The following BBX variants were observed in gnomAD, a reference collection of about 807,000 sequenced individuals.
The protein encoded by BBX is HMG box transcription factor BBX.
A neutral mutation model predicts 100.2 loss-of-function variants in BBX; 30 were observed. That is an observed-to-expected ratio of 0.30 (90% CI 0.22 to 0.41). The LOEUF is 0.41. Among genes scored for constraint, BBX ranks in the 10% least tolerant of loss-of-function variants. The pLI is 1.00. For synonymous variants in BBX, 376 were observed against 388.1 expected (o/e 0.97, Z 0.37); for missense variants, 1,023 against 1,129.8 (o/e 0.91, Z 1.35).
chr3:107,570,770 A>G (rs1318418296), intron 2 of BBX, among the ~76,000 whole-genome samples: 1 of 152,086 alleles, frequency 6.6e-6, no homozygotes, highest in Non-Finnish European at 1.5e-5. Context: ...TCTGCAGAAA[A>G]GGAGGATTCA....
intron 15 of BBX, among the ~76,000 whole-genome samples, chr3:107,793,373 A>T (rs2069256394): frequency 6.6e-6 from 1 of 152,186 alleles, no homozygotes; most frequent in African/African-American, 2.4e-5. Flanking sequence ...GCACTGAAAA[A>T]TGCATGTCCA....
intron 5 of BBX, among the ~76,000 whole-genome samples, chr3:107,720,170 G>C (rs2062426555): frequency 6.6e-6 from 1 of 151,998 alleles, no homozygotes; most frequent in Non-Finnish European, 1.5e-5. Context: ...GAAGGAGTTA[G>C]TGTCTTGACC....
intron 3 of BBX, among the ~76,000 whole-genome samples, chr3:107,685,293 T>C (rs2059783670): frequency 6.6e-6 from 1 of 152,174 alleles, no homozygotes; most frequent in Non-Finnish European, 1.5e-5. Flanking sequence ...AGCATAAAGT[T>C]ACCTTGATCC....
At chr3:107,537,979 C>A (rs1576217354) in intron 2 of BBX, among the ~76,000 whole-genome samples, 2 of 152,334 alleles carry the variant, frequency 1.3e-5, no homozygotes, top group East Asian at 3.9e-4. Flanking sequence ...CAAAGAGAAA[C>A]AGACACATGG....
At chr3:107,607,896 A>G (rs1410386434) in intron 2 of BBX, among the ~76,000 whole-genome samples, 1 of 152,112 alleles carries the variant, frequency 6.6e-6, no homozygotes, top group Non-Finnish European at 1.5e-5. Flanking sequence ...CCATTTTAAA[A>G]TTAGATTATT....
At chr3:107,603,897 C>T (rs1013920724) in intron 2 of BBX, among the ~76,000 whole-genome samples, 1 of 151,572 alleles carries the variant, frequency 6.6e-6, no homozygotes, top group African/African-American at 2.4e-5. Context: ...TAATATAGTA[C>T]AGTATCGTGT....
At chr3:107,684,638 A>G (rs1250189375) in intron 3 of BBX, 1 of 152,130 alleles carries the variant, frequency 6.6e-6, no homozygotes, top group African/African-American at 2.4e-5. Context: ...CACATGACTG[A>G]ATTTCAGGGA....
At chr3:107,641,141 A>G (rs1456467032) in intron 2 of BBX, among the ~76,000 whole-genome samples, 4 of 149,922 alleles carry the variant, frequency 2.7e-5, no homozygotes, top group Non-Finnish European at 4.4e-5. Context: ...CTAGAGTGCA[A>G]TGGCATTACC....
rs768349394 is a variant in BBX, at chr3:107,728,881, A to G, written c.522A>G (p.Pro174=). ...CACGAAAGAAACTTTGGGCCTTCCC[A>G]TCTGACTCTTCAAGAGACTTGCCAA... is the stretch of plus-strand genomic sequence containing the variant. ...VNPRKKLWAF[P]SDSSRDLPSP... is the part of the protein sequence containing the mutation. The change falls in exon 6 of 18, where the codon CCA becomes CCG. Residue 174 remains proline (P), a synonymous_variant. Coordinates refer to ENST00000325805, the MANE Select transcript of BBX (RefSeq NM_001142568.3). 12 of 1,613,844 alleles carry G rather than the reference A, an allele frequency of 7.4e-6. No individual in the cohort carries two copies. The South Asian group carries it at 9.9e-5, about 13-fold the overall frequency.
intron 13 of BBX, among the ~76,000 whole-genome samples, chr3:107,787,471 A>G (rs1311116195): frequency 6.6e-6 from 1 of 152,206 alleles, no homozygotes. Context: ...AGGAGATTAG[A>G]GGTTGCTTAG....
intron 3 of BBX, among the ~76,000 whole-genome samples, chr3:107,646,542 G>A (rs966455025): frequency 2.0e-4 from 31 of 152,080 alleles, no homozygotes; most frequent in African/African-American, 7.5e-4. Flanking sequence ...TAACTTTAAT[G>A]TATGGTAATA....
intron 2 of BBX, among the ~76,000 whole-genome samples, chr3:107,579,399 A>T (rs1330384319): frequency 6.6e-6 from 1 of 152,190 alleles, no homozygotes. Context: ...AGCTAGTTAT[A>T]GGGCCACCAA....
At chr3:107,689,092 C>T (rs1184587079) in intron 3 of BBX, among the ~76,000 whole-genome samples, 1 of 152,082 alleles carries the variant, frequency 6.6e-6, no homozygotes, top group African/African-American at 2.4e-5. Context: ...TTTATTTTCT[C>T]CAGTTGGTTC....
At position 107,529,786 on chromosome 3, in the gene BBX, A is replaced by G. The variant is rs962090048; in HGVS notation, c.-84+3388A>G. ...CATCATTTTAAAACTGTACAGATAT[A>G]CCCAGAAAATCCTCATGTATTAATG... On this transcript the variant is annotated intron_variant, in intron 2 of 17. Transcript: ENST00000325805. Among the ~76,000 whole-genome samples, 31 of 151,886 alleles carry G rather than the reference A, an allele frequency of 2.0e-4. 1 individual carries two copies. Among genetic ancestry groups the G allele is most frequent in the African/African-American group, 6.3e-4 (26 of 41,436 alleles).
At chr3:107,795,676 T>C (rs1048016432) in intron 15 of BBX, among the ~76,000 whole-genome samples, 10 of 148,614 alleles carry the variant, frequency 6.7e-5, no homozygotes, top group African/African-American at 2.5e-4. Flanking sequence ...TTCACTCCTT[T>C]ACTTTCCTCC....
intron 7 of BBX, among the ~76,000 whole-genome samples, chr3:107,737,891 T>TTTTTTG (rs1560069752): frequency 5.3e-5 from 7 of 132,218 alleles, no homozygotes; most frequent in African/African-American, 1.7e-4. Flanking sequence ...CCAGTTTTTT[T>TTTTTTG]TTTTTTTTTT....
chr3:107,777,316 A>G lies in BBX; in HGVS notation c.2055-1055A>G, dbSNP rs779900484. On this transcript the variant is annotated intron_variant, in intron 12 of 17. Coordinates refer to ENST00000325805, the MANE Select transcript of BBX (RefSeq NM_001142568.3). ...AATTGCCATTTCCTGTTGACCATTC[A>G]GTTGGTCATCTGACCCTCTTATCTC... Among the ~76,000 whole-genome samples, 4 of 152,120 alleles carry G rather than the reference A, an allele frequency of 2.6e-5. 1 individual carries two copies. Among genetic ancestry groups the G allele is most frequent in the Non-Finnish European group, 5.9e-5 (4 of 68,014 alleles).
At chr3:107,567,234 A>G (rs898199528) in intron 2 of BBX, among the ~76,000 whole-genome samples, 4 of 149,638 alleles carry the variant, frequency 2.7e-5, no homozygotes, top group African/African-American at 9.8e-5. Flanking sequence ...TCCTGAGTAC[A>G]TATATTCGTA....
chr3:107,532,916 G>C (rs969451378), intron 2 of BBX, among the ~76,000 whole-genome samples: 26 of 152,016 alleles, frequency 1.7e-4, no homozygotes, highest in African/African-American at 5.3e-4. Flanking sequence ...TCAGTACTTT[G>C]ATGTAGTAGT....
Sources: allele counts gnomAD v4.1 joint callset (sites outside exome capture counted in the v4.1 genomes callset), GRCh38; gene constraint gnomAD v4.1.1; transcripts MANE v1.5; gene names NCBI Gene and HGNC (gene_info 2026-07-23, HGNC 2026-07-21).